The following KDM2B variants were observed in gnomAD, a reference collection of about 807,000 sequenced individuals.
KDM2B encodes the protein lysine demethylase 2B, also known as lysine-specific demethylase 2B.
In KDM2B, 26 loss-of-function variants were observed where a neutral mutation model predicts 150.0. The ratio of observed to expected loss-of-function variants is 0.17; its 90% CI spans 0.13 to 0.24. KDM2B has a LOEUF of 0.24. Among genes scored for constraint, KDM2B ranks in the 10% least tolerant of loss-of-function variants. The pLI, the probability that KDM2B is intolerant of heterozygous loss-of-function variation, is 1.00. For synonymous variants in KDM2B, 734 were observed against 729.5 expected, an observed-to-expected ratio of 1.01 and a Z score of -0.10; for missense variants, 1,265 against 1,816.9, an observed-to-expected ratio of 0.70 and a Z score of 5.52.
chr12:121,494,786 C>A (rs1883734059), intron 11 of KDM2B, 121 bp from the exon 12 acceptor site: 1 of 651,264 alleles, frequency 1.5e-6, no homozygotes, highest in Non-Finnish European at 2.5e-6. Flanking sequence ...TGGCCATTGA[C>A]TCCACCACCA....
At position 121,442,953 on chromosome 12, in the gene KDM2B, G is replaced by T. The variant is rs1875423892; in HGVS notation, c.2604+39C>A. On this transcript the variant is annotated intron_variant, in intron 18 of 22. Coordinates refer to ENST00000377071, the MANE Select transcript of KDM2B (RefSeq NM_032590.5). The surrounding 1 kb of genome is among the most constrained non-coding windows in gnomAD (Gnocchi z 7.7). ...AGGGAGCTGCGGTGCAGCTCTAACC[G>T]CTCAGGCCTGGGGCACAGGAGGGAG... 2 of 1,610,496 alleles carry T rather than the reference G, an allele frequency of 1.2e-6. No homozygotes were observed. Among genetic ancestry groups the T allele is most frequent in the East Asian group, 2.2e-5 (1 of 44,820 alleles).
At chr12:121,439,697 T>C (rs1411435335) in intron 22 of KDM2B, among the ~76,000 whole-genome samples, 160 bp downstream of exon 22, 1 of 152,186 alleles carries the variant, frequency 6.6e-6, no homozygotes, top group East Asian at 1.9e-4. Context: ...ACTCTTTGTT[T>C]ACTGTGTTTC....
At chr12:121,519,182 A>G (rs1886480397) in intron 9 of KDM2B, among the ~76,000 whole-genome samples, 1 of 152,244 alleles carries the variant, frequency 6.6e-6, no homozygotes, top group Admixed American at 6.5e-5. Context: ...GGAAACCCCC[A>G]GACATGGGCC....
the KDM2B span, among the ~76,000 whole-genome samples, chr12:121,417,186 T>C: frequency 2.6e-5 from 4 of 152,242 alleles, no homozygotes; most frequent in African/African-American, 9.6e-5. The surrounding 1 kb of genome is among the most constrained non-coding windows in gnomAD (Gnocchi z 5.0). Flanking sequence ...GTGATTCTGC[T>C]TTCTGCTCTG....
At chr12:121,550,990 C>T (rs532005779) in intron 4 of KDM2B, among the ~76,000 whole-genome samples, 113 of 152,198 alleles carry the variant, frequency 7.4e-4, no homozygotes, top group African/African-American at 2.6e-3. Flanking sequence ...GGGCTGGCTC[C>T]GTGCGACAAT....
intron 6 of KDM2B, among the ~76,000 whole-genome samples, chr12:121,539,762 CAG>C (rs1260930137): frequency 6.6e-6 from 1 of 151,968 alleles, no homozygotes; most frequent in Non-Finnish European, 1.5e-5. Context: ...TTTTTTAAGA[CAG>C]AGTCTTGCTC....
intron 6 of KDM2B, among the ~76,000 whole-genome samples, chr12:121,540,385 G>C (rs1317703068): frequency 6.6e-6 from 1 of 152,106 alleles, no homozygotes; most frequent in East Asian, 1.9e-4. Context: ...AGTAGGTCTT[G>C]AGGTTAAGGG....
At chr12:121,475,203 TG>T (rs1881226652) in intron 12 of KDM2B, among the ~76,000 whole-genome samples, 1 of 146,922 alleles carries the variant, frequency 6.8e-6, no homozygotes, top group Non-Finnish European at 1.5e-5. Context: ...TGTGTGTGTG[TG>T]TGTGTGTGTG....
intron 22 of KDM2B, among the ~76,000 whole-genome samples, chr12:121,433,937 G>C (rs1379037394): frequency 6.6e-6 from 1 of 152,048 alleles, no homozygotes; most frequent in Non-Finnish European, 1.5e-5. Flanking sequence ...ACCAGCACTT[G>C]GGAGGCTGAG....
intron 4 of KDM2B, among the ~76,000 whole-genome samples, chr12:121,558,435 CTG>C (rs1555313117): frequency 1.3e-5 from 2 of 150,704 alleles, no homozygotes; most frequent in East Asian, 1.9e-4. Context: ...TGGAGAAGGC[CTG>C]TGTTTCCTTT....
At position 121,512,270 on chromosome 12, in the gene KDM2B, G is replaced by A. The variant is rs142726981; in HGVS notation, c.1174+1006C>T. The stretch of plus-strand genomic sequence containing the variant: ...CCCCCTGAATATCACATCATCAGGC[G>A]GGAATGAGGCTCGCGACAGACCTCA... On this transcript the variant is annotated intron_variant, in intron 10 of 22. Transcript: ENST00000377071. Among the ~76,000 whole-genome samples, 984 of 152,166 alleles carry A rather than the reference G, an allele frequency of 6.5e-3. 7 individuals are homozygous for A. The highest frequency in any genetic ancestry group is 0.023 in the African/African-American group (948 of 41,500).
intron 4 of KDM2B, among the ~76,000 whole-genome samples, chr12:121,563,268 T>C (rs1339445242): frequency 1.3e-5 from 2 of 151,750 alleles, no homozygotes; most frequent in Non-Finnish European, 2.9e-5. Context: ...TGAGGTGTGA[T>C]TGTGCCACTG....
chr12:121,521,007 T>C lies in KDM2B; in HGVS notation c.1025A>G (p.Tyr342Cys). 6.2e-7 allele frequency: 1 copy of C among 1,613,816 alleles called. No homozygotes were observed. Among genetic ancestry groups the C allele is most frequent in the Non-Finnish European group, 8.5e-7 (1 of 1,179,892 alleles). The change falls in exon 9 of 23, where the codon TAC (tyrosine) becomes TGC (cysteine). Residue 342 changes from tyrosine to cysteine, a missense_variant. By Grantham distance (194) the Tyr-to-Cys change is radical (BLOSUM62 -2). Coordinates refer to ENST00000377071, the MANE Select transcript of KDM2B (RefSeq NM_032590.5). This position sits in a 1 kb window ranked among gnomAD's most constrained non-coding sequence, Gnocchi z 4.9. ...TACCCGCGTCCTGTCCTCGATCTCG[T>C]AGATCCGCAGCTGCATGGGCACGTT... Reference protein sequence around the residue: ...SFNVPMQLRIYEIEDRTRVQP... With the variant: ...SFNVPMQLRICEIEDRTRVQP...
At chr12:121,523,916 G>A (rs1023136331) in intron 8 of KDM2B, among the ~76,000 whole-genome samples, 1 of 152,182 alleles carries the variant, frequency 6.6e-6, no homozygotes, top group African/African-American at 2.4e-5. Flanking sequence ...CAGAAGCATG[G>A]CTGCCGCCCT....
At chr12:121,471,012 TTCTC>T (rs1377815516) in intron 12 of KDM2B, among the ~76,000 whole-genome samples, 1 of 152,254 alleles carries the variant, frequency 6.6e-6, no homozygotes. Context: ...AAAATGCTTC[TTCTC>T]TATTTCCCTA....
Position 121,527,479 on chromosome 12 carries a change from C to T in KDM2B, c.931+5327G>A, listed in dbSNP as rs1398229190. ...CATCCTGGCTAACACGGTGAAACCC[C>T]GTCTCTACTAAAAATACAAAAAAAG... On this transcript the variant is annotated intron_variant, in intron 8 of 22. Transcript: ENST00000377071. Among the ~76,000 whole-genome samples the T allele has an allele frequency of 5.3e-5, 8 of 149,724 alleles. 1 individual carries two copies. The highest frequency in any genetic ancestry group is 4.6e-4 in the Admixed American group (7 of 15,058).
downstream of KDM2B, among the ~76,000 whole-genome samples, chr12:121,426,062 C>T (rs782048749): frequency 3.3e-5 from 5 of 152,180 alleles, no homozygotes; most frequent in Non-Finnish European, 7.3e-5. Flanking sequence ...GAAATCTTAA[C>T]ATTTCCTCCA....
intron 13 of KDM2B, among the ~76,000 whole-genome samples, chr12:121,448,281 C>G (rs1259851885): frequency 4.5e-5 from 6 of 133,698 alleles, no homozygotes; most frequent in African/African-American, 1.7e-4. Context: ...GAGCACACCA[C>G]TGCACTCCAG....
Position 121,445,376 on chromosome 12 carries a change from C to T in KDM2B, c.2002G>A (p.Ala668Thr), listed in dbSNP as rs782507669. The change falls in exon 14 of 23, where the codon GCG becomes ACG. Residue 668 changes from alanine to threonine, a missense_variant. This residue lies in a region of KDM2B where 30 missense variants were observed against 32.0 expected (regional missense o/e 0.94). Coordinates refer to ENST00000377071, the MANE Select transcript of KDM2B (RefSeq NM_032590.5). Reference protein sequence around the residue: ...HTAVCLVCGEAGKEDTVEEEE... With the variant: ...HTAVCLVCGETGKEDTVEEEE... ...TCTTCCACCGTGTCTTCCTTCCCCGCCTCGCCACACACAAGGCACACGGCG... is the reference window on the plus strand; with the variant it reads ...TCTTCCACCGTGTCTTCCTTCCCCGTCTCGCCACACACAAGGCACACGGCG... The T allele has an allele frequency of 1.2e-6, 2 of 1,610,246 alleles. No homozygotes were observed. Among genetic ancestry groups the T allele is most frequent in the Non-Finnish European group, 1.7e-6 (2 of 1,177,972 alleles).
Sources: allele counts gnomAD v4.1 joint callset (sites outside exome capture counted in the v4.1 genomes callset), GRCh38; gene constraint gnomAD v4.1.1; regional missense constraint gnomAD v4.1.1; non-coding constraint Gnocchi (gnomAD v3.1); transcripts MANE v1.5; gene names NCBI Gene and HGNC (gene_info 2026-07-23, HGNC 2026-07-21).